Variants in MTMR8 observed in about 807,000 individuals in gnomAD.
MTMR8 encodes the protein phosphatidylinositol-3,5-bisphosphate 3-phosphatase MTMR8.
In MTMR8, 65 loss-of-function variants were observed where a neutral mutation model predicts 39.3. The ratio of observed to expected loss-of-function variants is 1.65; its 90% CI spans 1.35 to 2.03. The LOEUF (loss-of-function observed/expected upper bound fraction) is 2.03. Among genes scored for constraint, MTMR8 ranks in the 30% most tolerant of loss-of-function variants. The pLI, the probability that MTMR8 is intolerant of heterozygous loss-of-function variation, is 0.00. For synonymous variants in MTMR8, 245 were observed against 185.2 expected (o/e 1.32, Z -2.62); for missense variants, 777 against 538.9 (o/e 1.44, Z -4.37).
rs767341009 is a variant in MTMR8 at position 64,368,789 on chromosome X, A to C, written c.25-9262T>G. On this transcript the variant is annotated intron_variant, in intron 1 of 13. Transcript: ENST00000374852. Reference sequence around the variant, plus strand: ...CTAATTAAACTAAAGAGCTTCTGCAATGCAAAAGAAACTACCATCAGAGTG... The same window carrying C: ...CTAATTAAACTAAAGAGCTTCTGCACTGCAAAAGAAACTACCATCAGAGTG... 4.3e-4 allele frequency among the ~76,000 whole-genome samples: 48 copies of C among 112,250 alleles called. No individual in the cohort carries two copies. The South Asian group carries it at 9.3e-3, about 22-fold the overall frequency.
chrX:64,287,361 C>A (rs1386217349), intron 12 of MTMR8, among the ~76,000 whole-genome samples: 4 of 110,714 alleles, frequency 3.6e-5, no homozygotes, highest in Admixed American at 9.6e-5. Context: ...GATAGGAAGA[C>A]TCAATATCAT....
At chrX:64,338,000 C>G (rs2147224352) in intron 8 of MTMR8, among the ~76,000 whole-genome samples, 1 of 111,928 alleles carries the variant, frequency 8.9e-6, no homozygotes, top group African/African-American at 3.2e-5. Context: ...ATTAGAAATA[C>G]AAAGACTCAG....
At chrX:64,348,817 T>C (rs1923411537) in intron 5 of MTMR8, 23 bp from the exon 6 acceptor site, 1 of 1,205,946 alleles carries the variant, frequency 8.3e-7, no homozygotes, top group South Asian at 1.8e-5. Context: ...GGTGTGTCAG[T>C]TGAGTGATTA....
intron 12 of MTMR8, among the ~76,000 whole-genome samples, chrX:64,292,551 C>T (rs1921436312): frequency 2.7e-5 from 3 of 110,797 alleles, no homozygotes; most frequent in South Asian, 3.9e-4. Flanking sequence ...AAGAAAGCAG[C>T]AGCATGGTGT....
At chrX:64,354,645 G>T in intron 4 of MTMR8, 132 bp downstream of exon 4, 1 of 648,051 alleles carries the variant, frequency 1.5e-6, no homozygotes, top group Non-Finnish European at 2.3e-6. Flanking sequence ...AATGTCTGTT[G>T]AATGGCTGAA....
chrX:64,387,438 G>C (rs1924587900), intron 1 of MTMR8, among the ~76,000 whole-genome samples: 1 of 110,972 alleles, frequency 9.0e-6, no homozygotes, highest in African/African-American at 3.3e-5. Context: ...CCTGAAGGGA[G>C]GGGAAAATTA....
chrX:64,275,302 A>C (rs1243439347), intron 12 of MTMR8, among the ~76,000 whole-genome samples: 1 of 111,382 alleles, frequency 9.0e-6, no homozygotes, highest in Non-Finnish European at 1.9e-5. Flanking sequence ...TTTATATCTC[A>C]GGAACTAGGA....
intron 12 of MTMR8, among the ~76,000 whole-genome samples, chrX:64,295,089 T>A (rs1272998633): frequency 9.1e-6 from 1 of 110,181 alleles, no homozygotes; most frequent in Non-Finnish European, 1.9e-5. Flanking sequence ...TCCAACACAC[T>A]CCTCACCTCC....
intron 12 of MTMR8, among the ~76,000 whole-genome samples, chrX:64,276,932 T>C (rs1318621966): frequency 8.9e-6 from 1 of 111,845 alleles, no homozygotes; most frequent in Non-Finnish European, 1.9e-5. Context: ...ATTTAGGTGT[T>C]CCTGTATTGG....
intron 2 of MTMR8, among the ~76,000 whole-genome samples, chrX:64,358,019 T>C (rs1220091892): frequency 9.0e-6 from 1 of 111,605 alleles, no homozygotes; most frequent in Admixed American, 9.5e-5. Context: ...CCCTTCCAGA[T>C]ACAGTCCACT....
At chrX:64,271,903 G>A (rs777449817) in intron 12 of MTMR8, among the ~76,000 whole-genome samples, 9 of 112,479 alleles carry the variant, frequency 8.0e-5, no homozygotes, top group Non-Finnish European at 1.5e-4. Context: ...GAAGGGAAAA[G>A]AGTTGGAACA....
intron 1 of MTMR8, among the ~76,000 whole-genome samples, chrX:64,385,164 G>A (rs963980608): frequency 1.8e-5 from 2 of 112,105 alleles, no homozygotes; most frequent in African/African-American, 6.5e-5. Flanking sequence ...CTAGGGCATG[G>A]ACACAATCCA....
At chrX:64,318,587 T>C (rs952781325) in intron 12 of MTMR8, among the ~76,000 whole-genome samples, 2 of 111,607 alleles carry the variant, frequency 1.8e-5, no homozygotes, top group African/African-American at 6.5e-5. Flanking sequence ...TTTTTCATGA[T>C]GGGTTAATAT....
intron 1 of MTMR8, among the ~76,000 whole-genome samples, chrX:64,365,448 G>A (rs990013554): frequency 1.8e-5 from 2 of 111,618 alleles, no homozygotes; most frequent in Non-Finnish European, 3.8e-5. Context: ...AGAGTAGGGG[G>A]CAATATTCAA....
In MTMR8 at chrX:64,343,619, T is replaced by C. The variant is rs1282967176; in HGVS notation, c.967A>G (p.Ile323Val). The C allele has an allele frequency of 8.4e-7, 1 of 1,187,543 alleles. No individual in the cohort carries two copies. The highest frequency in any genetic ancestry group is 1.7e-5 in the African/African-American group (1 of 57,441). ...AAAGTCCTGATTATTACCTTTGTAA[T>C]GAAAATTCCAGCATCCATAATAGCT... ...IKAIMDAGIF[I>V]TKAVKVEKAS... The change falls in exon 8 of 14, where the codon ATT becomes GTT. Residue 323 changes from isoleucine to valine, a missense_variant. Physicochemically the swap from Ile to Val is conservative, Grantham distance 29. Coordinates refer to ENST00000374852, the MANE Select transcript of MTMR8 (RefSeq NM_017677.4).
chrX:64,348,015 C>G (rs1169752801), intron 6 of MTMR8, among the ~76,000 whole-genome samples: 1 of 111,869 alleles, frequency 8.9e-6, no homozygotes, highest in East Asian at 2.8e-4. Context: ...CTATCCATGT[C>G]CACTGCCAAA....
intron 1 of MTMR8, among the ~76,000 whole-genome samples, chrX:64,369,809 C>T (rs771506122): frequency 1.8e-5 from 2 of 110,517 alleles, no homozygotes; most frequent in South Asian, 7.7e-4. Context: ...TATTGAAATG[C>T]AAGAACAGGC....
chrX:64,322,033 T>G (rs781440782), intron 12 of MTMR8, among the ~76,000 whole-genome samples: 3 of 110,702 alleles, frequency 2.7e-5, no homozygotes, highest in Non-Finnish European at 5.7e-5. Flanking sequence ...TCGAATTCTG[T>G]TTGTTAGTAT....
chrX:64,367,300 C>A (rs919974607), intron 1 of MTMR8, among the ~76,000 whole-genome samples: 20 of 111,449 alleles, frequency 1.8e-4, no homozygotes, highest in African/African-American at 2.3e-4. Context: ...GGCAGAGACA[C>A]AACAAAAAAA....
Sources: allele counts gnomAD v4.1 joint callset (sites outside exome capture counted in the v4.1 genomes callset), GRCh38; gene constraint gnomAD v4.1.1; transcripts MANE v1.5; gene names NCBI Gene and HGNC (gene_info 2026-07-23, HGNC 2026-07-21).